The following CRTC3 variants were observed in gnomAD, a reference collection of about 807,000 sequenced individuals.
CRTC3 encodes CREB-regulated transcription coactivator 3.
In CRTC3, 26 loss-of-function variants were observed where a neutral mutation model predicts 74.5. The ratio of observed to expected loss-of-function variants is 0.35; its 90% confidence interval spans 0.26 to 0.48. The LOEUF (loss-of-function observed/expected upper bound fraction) is 0.48. Ranked by LOEUF, CRTC3 falls within the 20% of genes least tolerant of loss-of-function variation. The pLI is 0.99. For missense variants in CRTC3, 760 were observed against 787.3 expected (o/e 0.97, Z 0.41); for synonymous variants, 377 against 325.8 (o/e 1.16, Z -1.69).
chr15:90,566,922 G>T (rs1007208257), intron 2 of CRTC3, among the ~76,000 whole-genome samples: 11 of 152,018 alleles, frequency 7.2e-5, no homozygotes, highest in Non-Finnish European at 1.5e-4. Flanking sequence ...TGTTGGTCAG[G>T]CTGGTCTCGA....
At chr15:90,582,261 T>C (rs1450070878) in intron 2 of CRTC3, among the ~76,000 whole-genome samples, 3 of 152,174 alleles carry the variant, frequency 2.0e-5, no homozygotes, top group East Asian at 1.9e-4. Flanking sequence ...CCCAAAGATA[T>C]CACACCAGGT....
intron 2 of CRTC3, among the ~76,000 whole-genome samples, chr15:90,541,459 T>C (rs188326964): frequency 1.4e-4 from 21 of 152,296 alleles, no homozygotes; most frequent in Admixed American, 1.3e-3. Flanking sequence ...TTGTACCCTA[T>C]TGCACCGGAA....
intron 13 of CRTC3, among the ~76,000 whole-genome samples, chr15:90,639,155 G>C (rs534297876): frequency 1.3e-5 from 2 of 152,214 alleles, no homozygotes; most frequent in South Asian, 4.2e-4. Flanking sequence ...AGGGAGAGTG[G>C]CGCCTGCTCC....
intron 2 of CRTC3, among the ~76,000 whole-genome samples, chr15:90,542,388 A>G (rs1338493907): frequency 1.3e-5 from 2 of 151,384 alleles, no homozygotes; most frequent in Non-Finnish European, 2.9e-5. Context: ...CATGTTGGCC[A>G]GGCTGGTCTC....
intron 13 of CRTC3, 94 bp from the exon 14 acceptor site, chr15:90,641,003 A>G: frequency 1.3e-6 from 1 of 786,724 alleles, no homozygotes; most frequent in Non-Finnish European, 2.2e-6. Flanking sequence ...ATTAGTTTGC[A>G]AGTCAGGTTT....
At chr15:90,610,974 TG>T (rs1170638509) in intron 6 of CRTC3, among the ~76,000 whole-genome samples, 7 of 152,226 alleles carry the variant, frequency 4.6e-5, no homozygotes, top group Non-Finnish European at 8.8e-5. Context: ...TGGCATGCCT[TG>T]GACCTGGTGA....
chr15:90,558,524 C>G (rs1409106017), intron 2 of CRTC3, among the ~76,000 whole-genome samples: 1 of 152,118 alleles, frequency 6.6e-6, no homozygotes, highest in Non-Finnish European at 1.5e-5. Flanking sequence ...CCACACTGGC[C>G]TTTTTCTCTG....
At chr15:90,610,151 C>T (rs1172650146) in intron 6 of CRTC3, among the ~76,000 whole-genome samples, 3 of 152,176 alleles carry the variant, frequency 2.0e-5, no homozygotes, top group Non-Finnish European at 4.4e-5. Context: ...TATTTTCCTC[C>T]TGTGTTTCAT....
rs1228978803 is a variant in CRTC3 at position 90,579,631 on chromosome 15, T to TC, written c.232-14004dup. Among the ~76,000 whole-genome samples, 90 of 146,064 alleles carry TC rather than the reference T, an allele frequency of 6.2e-4. 2 individuals are homozygous for TC. In the East Asian group the frequency reaches 7.9e-3, roughly 13 times the overall value. On this transcript the variant is annotated intron_variant, in intron 2 of 14. Coordinates refer to ENST00000268184, the MANE Select transcript of CRTC3 (RefSeq NM_022769.5). ...AATGATTACATGGAGTAAACGTATT[T>TC]CACTTTTTTTTTTTTTTTTTTTTTT...
chr15:90,613,146 G>A (rs1252265295), intron 6 of CRTC3, among the ~76,000 whole-genome samples: 6 of 137,812 alleles, frequency 4.4e-5, no homozygotes, highest in African/African-American at 1.1e-4. Flanking sequence ...TCACGCCACC[G>A]CACTCCAGCC....
Position 90,540,142 on chromosome 15 carries a change from C to T in CRTC3, c.231+5C>T, listed in dbSNP as rs1325748457. 1 of 1,577,942 alleles carries T rather than the reference C, an allele frequency of 6.3e-7. No homozygotes were observed. Among genetic ancestry groups the T allele is most frequent in the Non-Finnish European group, 8.7e-7 (1 of 1,152,446 alleles). On this transcript the variant is annotated splice_donor_5th_base_variant and intron_variant, in intron 2 of 14. Transcript: ENST00000268184. ...AGCAGTGCGTCAGAGTTTCAGGTAC[C>T]TCCAGATATGTACTTTCTTGAAGCT...
chr15:90,545,652 C>G (rs74997893), intron 2 of CRTC3, among the ~76,000 whole-genome samples: 37,279 of 151,838 alleles, frequency 0.25, 4,872 homozygotes, highest in East Asian at 0.49. Flanking sequence ...TCTCGGCTCA[C>G]TGCAACCTCC....
chr15:90,551,944 G>GATGCC, intron 2 of CRTC3, among the ~76,000 whole-genome samples: 1 of 129,272 alleles, frequency 7.7e-6, no homozygotes, highest in African/African-American at 3.6e-5. Flanking sequence ...ACACACACAC[G>GATGCC]CACACACACA....
chr15:90,570,690 A>C (rs971586574), intron 2 of CRTC3, among the ~76,000 whole-genome samples: 1 of 152,198 alleles, frequency 6.6e-6, no homozygotes, highest in Non-Finnish European at 1.5e-5. Flanking sequence ...TGAGGTCCGG[A>C]TAACAGTAAT....
intron 11 of CRTC3, among the ~76,000 whole-genome samples, chr15:90,635,757 G>C (rs7167537): frequency 0.011 from 1,571 of 142,336 alleles, 23 homozygotes; most frequent in African/African-American, 0.035. Flanking sequence ...CCGGCATCCT[G>C]TGAGCCGGGT....
chr15:90,553,963 G>T (rs1289136308), intron 2 of CRTC3, among the ~76,000 whole-genome samples: 1 of 152,172 alleles, frequency 6.6e-6, no homozygotes, highest in East Asian at 1.9e-4. Flanking sequence ...GCAGTACAGA[G>T]GCTGCATAGT....
At chr15:90,603,258 A>T (rs950465577) in intron 4 of CRTC3, among the ~76,000 whole-genome samples, 4 of 149,620 alleles carry the variant, frequency 2.7e-5, no homozygotes, top group African/African-American at 9.9e-5. Context: ...CCTCGCTAAC[A>T]CGGTGAAACC....
chr15:90,580,919 A>T (rs900200314), intron 2 of CRTC3, among the ~76,000 whole-genome samples: 2 of 152,076 alleles, frequency 1.3e-5, no homozygotes, highest in Non-Finnish European at 2.9e-5. Context: ...AAAAAAAAAA[A>T]TTTATTTTTG....
At chr15:90,600,180 T>A (rs1170353598) in intron 3 of CRTC3, 6 of 152,252 alleles carry the variant, frequency 3.9e-5, no homozygotes, top group Non-Finnish European at 8.8e-5. Context: ...AATAAGATAA[T>A]GAGACTTGTC....
Sources: gnomAD v4.1 joint callset for allele counts (sites outside exome capture counted in the v4.1 genomes callset) on GRCh38, gnomAD v4.1.1 for gene constraint, MANE v1.5 for transcripts, NCBI Gene and HGNC (gene_info 2026-07-23, HGNC 2026-07-21) for gene names.